The following MON2 variants were observed in gnomAD, a reference collection of about 807,000 sequenced individuals.
MON2 encodes protein MON2 homolog.
Under a neutral mutation model 208.6 loss-of-function variants are expected in MON2, and 84 were observed. The observed-to-expected ratio is 0.40, with a 90% CI of 0.34 to 0.48. The LOEUF is 0.48. Among genes scored for constraint, MON2 ranks in the 20% least tolerant of loss-of-function variants. The pLI is 0.59. For synonymous variants in MON2, 660 were observed against 694.0 expected, an observed-to-expected ratio of 0.95 and a Z score of 0.77; for missense variants, 1,611 against 2,015.4, an observed-to-expected ratio of 0.80 and a Z score of 3.84.
intron 8 of MON2, among the ~76,000 whole-genome samples, chr12:62,524,170 T>A (rs1454997546): frequency 1.3e-5 from 2 of 152,158 alleles, no homozygotes; most frequent in Non-Finnish European, 2.9e-5. Flanking sequence ...GTGCATCCTG[T>A]CAGCAGTTTA....
At chr12:62,487,704 A>G (rs1592844010) in intron 2 of MON2, among the ~76,000 whole-genome samples, 1 of 152,044 alleles carries the variant, frequency 6.6e-6, no homozygotes, top group Non-Finnish European at 1.5e-5. Context: ...TTTTCTTATC[A>G]ATAAATGTGC....
chr12:62,593,040 T>C lies in MON2; in HGVS notation c.*291T>C, dbSNP rs998080993. 1 of 229,288 alleles carries C rather than the reference T, an allele frequency of 4.4e-6. No homozygotes were observed. The highest frequency in any genetic ancestry group is 2.2e-5 in the African/African-American group (1 of 44,890). 14.2% of individuals were successfully genotyped at this position (229,288 alleles called of 1,614,324 possible). A position where few individuals can be genotyped will look rare whatever the true frequency, so the allele number is the denominator to read the frequency against. On this transcript the variant is annotated 3_prime_UTR_variant, in exon 35 of 35. Coordinates refer to ENST00000393630, the MANE Select transcript of MON2 (RefSeq NM_015026.3). The stretch of plus-strand genomic sequence containing the variant: ...CTCCAGTTGGTGATTTAAAGTGAGC[T>C]TATGTACAGTTTGTGGTGTATGTGT...
At chr12:62,472,977 A>G (rs536873943) in intron 1 of MON2, among the ~76,000 whole-genome samples, 1 of 150,130 alleles carries the variant, frequency 6.7e-6, no homozygotes, top group African/African-American at 2.4e-5. Flanking sequence ...AAAGGAAGAC[A>G]TATTTCAAAA....
chr12:62,506,815 G>A (rs1016295612), intron 7 of MON2, among the ~76,000 whole-genome samples: 10 of 152,008 alleles, frequency 6.6e-5, no homozygotes, highest in African/African-American at 1.7e-4. Context: ...TAAGATGAAA[G>A]GATTAGGTCA....
chr12:62,484,915 C>CTTTT (rs71084000), intron 2 of MON2: 1 of 132,550 alleles, frequency 7.5e-6, no homozygotes, highest in African/African-American at 2.8e-5. Flanking sequence ...GGTAAACTGG[C>CTTTT]TTTTTTTTTT....
rs1435221586 is a variant in MON2, at chr12:62,473,616, G to T, written c.111+6298G>T. On this transcript the variant is annotated intron_variant, in intron 1 of 34. Coordinates refer to ENST00000393630, the MANE Select transcript of MON2 (RefSeq NM_015026.3). ...GACAGGGTCTTACTCTGTCACCCTGGTTGGAGTGCAGTGGGCTATCTTGGC... is the reference window on the plus strand; with the variant it reads ...GACAGGGTCTTACTCTGTCACCCTGTTTGGAGTGCAGTGGGCTATCTTGGC... Among the ~76,000 whole-genome samples, 3 of 151,948 alleles carry T rather than the reference G, an allele frequency of 2.0e-5. No homozygotes were observed. In the East Asian group the frequency reaches 5.8e-4, roughly 29 times the overall value.
chr12:62,579,551 G>A (rs1479774724), intron 31 of MON2, among the ~76,000 whole-genome samples: 7 of 143,924 alleles, frequency 4.9e-5, no homozygotes, highest in African/African-American at 1.1e-4. Flanking sequence ...GTGAAACCCC[G>A]TCTCTACTAA....
Position 62,500,883 on chromosome 12 carries a change from ATTTTAG to A in MON2, c.663+6_663+11del, listed in dbSNP as rs1347796000. 10 of 1,497,102 alleles carry A rather than the reference ATTTTAG, an allele frequency of 6.7e-6. No individual in the cohort carries two copies. In the South Asian group the frequency reaches 1.2e-4, roughly 17 times the overall value. 92.7% of individuals were successfully genotyped at this position (1,497,102 alleles called of 1,614,324 possible). A position where few individuals can be genotyped will look rare whatever the true frequency, so the allele number is the denominator to read the frequency against. On this transcript the variant is annotated splice_donor_5th_base_variant and intron_variant, in intron 6 of 34. Coordinates refer to ENST00000393630, the MANE Select transcript of MON2 (RefSeq NM_015026.3). ...AAGATGCATATATGCTTTTCCAGGT[ATTTTAG>A]TTGATAAAAGTAATTTTTATTCTAA...
In MON2 at chr12:62,588,979, C is replaced by G. The variant is rs141846166; in HGVS notation, c.4990+823C>G. The G allele has an allele frequency of 2.1e-5, 22 of 1,068,252 alleles. No individual in the cohort carries two copies. The African/African-American group carries it at 3.4e-4, about 17-fold the overall frequency. 66.2% of individuals were successfully genotyped at this position (1,068,252 alleles called of 1,614,324 possible). A position where few individuals can be genotyped will look rare whatever the true frequency, so the allele number is the denominator to read the frequency against. Reference sequence around the variant, plus strand: ...TTATGTGTACTTGTCTCGAAGCACTCTATTTGTATTACAATTATGCATGTA... The same window carrying G: ...TTATGTGTACTTGTCTCGAAGCACTGTATTTGTATTACAATTATGCATGTA... On this transcript the variant is annotated intron_variant, in intron 34 of 34. Transcript: ENST00000393630.
chr12:62,506,055 G>T (rs55652836), intron 7 of MON2, among the ~76,000 whole-genome samples: 1 of 152,178 alleles, frequency 6.6e-6, no homozygotes, highest in Admixed American at 6.5e-5. Flanking sequence ...CCCAACTGTA[G>T]TGAGTTGAGC....
chr12:62,525,208 A>G lies in MON2; in HGVS notation c.1234A>G (p.Ser412Gly). ...LVPPTGNPAT[S>G]NQAGNNNLGG... ...CCCCCCTACTGGAAATCCTGCAACA[A>G]GCAACCAAGCTGGTAAAAACATATT... is the stretch of plus-strand genomic sequence containing the variant. Residue 412 changes from serine (S) to glycine (G), a missense_variant, in exon 10 of 35, where the codon AGC becomes GGC. By Grantham distance (56) the Ser-to-Gly change is moderately conservative. Coordinates refer to ENST00000393630, the MANE Select transcript of MON2 (RefSeq NM_015026.3). 1 of 1,613,406 alleles carries G rather than the reference A, an allele frequency of 6.2e-7. No individual in the cohort carries two copies. The highest frequency in any genetic ancestry group is 8.5e-7 in the Non-Finnish European group (1 of 1,179,532).
At position 62,566,391 on chromosome 12, in the gene MON2, C is replaced by CA; in HGVS notation, c.4270dup (p.Thr1424AsnfsTer10). The stretch of plus-strand genomic sequence containing the variant: ...TTTAGAAGTAGTTGTGGATTTATAC[C>CA]AAAAAACAGCGTGTCACAAAGCAGT... On this transcript the variant is annotated frameshift_variant, in exon 29 of 35. Transcript: ENST00000393630. LOFTEE classifies it high-confidence loss of function. The CA allele has an allele frequency of 6.2e-7, 1 of 1,613,118 alleles. No individual in the cohort carries two copies. The highest frequency in any genetic ancestry group is 8.5e-7 in the Non-Finnish European group (1 of 1,179,554).
chr12:62,562,382 T>C (rs2074232585), intron 26 of MON2, among the ~76,000 whole-genome samples: 1 of 152,016 alleles, frequency 6.6e-6, no homozygotes, highest in South Asian at 2.1e-4. Flanking sequence ...AGTGGAATCA[T>C]TTATCCCAAC....
intron 8 of MON2, among the ~76,000 whole-genome samples, chr12:62,523,843 T>A (rs2072194542): frequency 6.6e-6 from 1 of 152,200 alleles, no homozygotes; most frequent in Non-Finnish European, 1.5e-5. Flanking sequence ...TACCTTTGGA[T>A]GAACGGGTTA....
At chr12:62,559,576 AAG>A (rs2074119551) in intron 25 of MON2, among the ~76,000 whole-genome samples, 1 of 152,124 alleles carries the variant, frequency 6.6e-6, no homozygotes, top group Non-Finnish European at 1.5e-5. Flanking sequence ...CCAGGAGTTC[AAG>A]ACCAGACTGG....
At position 62,528,177 on chromosome 12, in the gene MON2, C is replaced by T. The variant is rs576033853; in HGVS notation, c.1400+2075C>T. On this transcript the variant is annotated intron_variant, in intron 11 of 34. Transcript: ENST00000393630. ...TCTTTTGTACATGGGTTAGTATGTT[C>T]ACACTGGAGCTTAACTGTTGAATTG... Among the ~76,000 whole-genome samples the T allele has an allele frequency of 2.0e-5, 3 of 152,186 alleles. No individual in the cohort carries two copies. The East Asian group carries it at 5.8e-4, about 29-fold the overall frequency.
rs2072715117 is a variant in MON2, at chr12:62,532,743, TA to T, written c.1633+76del. ...CAATTTGCAAAAATTGTAGTCTTTA[TA>T]AATCTTTCACCCTGACTTCTCAAGT... On this transcript the variant is annotated intron_variant, in intron 12 of 34. Coordinates refer to ENST00000393630, the MANE Select transcript of MON2 (RefSeq NM_015026.3). 4.4e-6 allele frequency: 5 copies of T among 1,143,174 alleles called. No homozygotes were observed. In the Admixed American group the frequency reaches 9.8e-5, roughly 22 times the overall value. The allele number at this position is 1,143,174 out of a possible 1,614,324, so 70.8% of individuals were successfully genotyped here. A position where few individuals can be genotyped will look rare whatever the true frequency, so the allele number is the denominator to read the frequency against.
intron 29 of MON2, among the ~76,000 whole-genome samples, chr12:62,567,619 G>A (rs79531625): frequency 0.018 from 2,759 of 152,162 alleles, 87 homozygotes; most frequent in African/African-American, 0.062. Flanking sequence ...TGACTTTCAC[G>A]ATACTTTTCT....
Position 62,524,601 on chromosome 12 carries a change from A to G in MON2, c.1071A>G (p.Glu357=), listed in dbSNP as rs757859286. ...AGTGGCTACGAGCTGTTGCGGTGGA[A>G]TCAATACACAGATTCTGTGTGCAGC... The part of the protein sequence containing the change: ...KPQWLRAVAV[E]SIHRFCVQPQ... Residue 357 remains glutamate, a synonymous_variant, in exon 9 of 35, where the codon GAA becomes GAG. Coordinates refer to ENST00000393630, the MANE Select transcript of MON2 (RefSeq NM_015026.3). 1.2e-6 allele frequency: 2 copies of G among 1,613,570 alleles called. No individual in the cohort carries two copies. Among genetic ancestry groups the G allele is most frequent in the African/African-American group, 1.3e-5 (1 of 75,054 alleles).
Sources: allele counts gnomAD v4.1 joint callset (sites outside exome capture counted in the v4.1 genomes callset), GRCh38; gene constraint gnomAD v4.1.1; transcripts MANE v1.5; gene names NCBI Gene and HGNC (gene_info 2026-07-23, HGNC 2026-07-21).